Variants in WDR3 observed in about 807,000 individuals in gnomAD.
WDR3 encodes WD repeat domain 3.
In WDR3, 81 loss-of-function variants were observed where a neutral mutation model predicts 123.7. The observed-to-expected ratio is 0.65, with a 90% CI of 0.55 to 0.79. The LOEUF is 0.79. Among genes scored for constraint, WDR3 ranks in the 30% least tolerant of loss-of-function variants. The probability of loss-of-function intolerance (pLI) is 0.00; values close to 1 mark genes in which losing one functional copy is unlikely to be tolerated. For missense variants in WDR3, 1,027 were observed against 1,123.2 expected (o/e 0.91, Z 1.22); for synonymous variants, 390 against 388.8 (o/e 1.00, Z -0.04).
rs1571016540 is a variant in WDR3 at position 117,945,404 on chromosome 1, T to C, written c.1329-682T>C. Reference sequence around the variant, plus strand: ...TGTTGTGCTCCCTGTTCTTTCTGCCTGAATCCATCTTCCCCATTTATCCAT... The same window carrying C: ...TGTTGTGCTCCCTGTTCTTTCTGCCCGAATCCATCTTCCCCATTTATCCAT... On this transcript the variant is annotated intron_variant, in intron 11 of 26. Coordinates refer to ENST00000349139, the MANE Select transcript of WDR3 (RefSeq NM_006784.3). 2.0e-5 allele frequency among the ~76,000 whole-genome samples: 3 copies of C among 152,316 alleles called. 1 individual carries two copies. The South Asian group carries it at 6.2e-4, about 32-fold the overall frequency.
In WDR3 at chr1:117,961,089, C is replaced by G. The variant is rs979769079; in HGVS notation, c.*1642C>G. Reference sequence around the variant, plus strand: ...ACAAGGTCAGGAGTTCCAGACCAGCCTGGCCAACATGGTGAAACCTCATCT... The same window carrying G: ...ACAAGGTCAGGAGTTCCAGACCAGCGTGGCCAACATGGTGAAACCTCATCT... On this transcript the variant is annotated 3_prime_UTR_variant, in exon 27 of 27. Transcript: ENST00000349139. The G allele has an allele frequency of 6.6e-6, 1 of 152,196 alleles. No individual in the cohort carries two copies. Among genetic ancestry groups the G allele is most frequent in the Non-Finnish European group, 1.5e-5 (1 of 68,060 alleles). The allele number at this position is 152,196 out of a possible 1,614,324, so 9.4% of individuals were successfully genotyped here.
At chr1:117,940,702 T>C in intron 6 of WDR3, 125 bp from the exon 7 acceptor site, 1 of 853,490 alleles carries the variant, frequency 1.2e-6, no homozygotes, top group Non-Finnish European at 1.9e-6. Flanking sequence ...CACTCCAGCC[T>C]GGGCGACAGA....
chr1:117,951,751 G>A (rs1651620637), intron 16 of WDR3, among the ~76,000 whole-genome samples: 1 of 152,100 alleles, frequency 6.6e-6, no homozygotes, highest in African/African-American at 2.4e-5. Flanking sequence ...CCCTGTGACA[G>A]TACGAAAGTA....
At chr1:117,945,147 A>G (rs1417880028) in intron 11 of WDR3, among the ~76,000 whole-genome samples, 1 of 152,134 alleles carries the variant, frequency 6.6e-6, no homozygotes, top group East Asian at 1.9e-4. Flanking sequence ...GTTATTGTAA[A>G]GCCCCCTGAC....
At chr1:117,945,244 ACTTCCAGTAGTTCCAT>A (rs1427642300) in intron 11 of WDR3, among the ~76,000 whole-genome samples, 1 of 152,156 alleles carries the variant, frequency 6.6e-6, no homozygotes, top group Non-Finnish European at 1.5e-5. Context: ...AAGTTAGATC[ACTTCCAGTAGTTCCAT>A]CTCACTCTAC....
chr1:117,958,781 TTTG>T, intron 25 of WDR3, 126 bp from the exon 26 acceptor site: 2 of 603,160 alleles, frequency 3.3e-6, no homozygotes, highest in Non-Finnish European at 2.7e-6. Context: ...TTTTTTTTTT[TTTG>T]CTCGAAACAT....
At chr1:117,957,019 A>T in intron 24 of WDR3, 49 bp from the exon 25 acceptor site, 1 of 1,486,246 alleles carries the variant, frequency 6.7e-7, no homozygotes, top group Non-Finnish European at 9.0e-7. Flanking sequence ...TGACCATGTT[A>T]ACAACGTTAA....
chr1:117,940,578 ATTAGTC>A (rs1413090146), intron 6 of WDR3, among the ~76,000 whole-genome samples: 3 of 152,120 alleles, frequency 2.0e-5, no homozygotes, highest in Non-Finnish European at 4.4e-5. Context: ...AAATTTAAAA[ATTAGTC>A]AAGCACAGTG....
At position 117,934,521 on chromosome 1, in the gene WDR3, T is replaced by A; in HGVS notation, c.220T>A (p.Ser74Thr). 1 of 1,614,148 alleles carries A rather than the reference T, an allele frequency of 6.2e-7. No homozygotes were observed. The highest frequency in any genetic ancestry group is 8.5e-7 in the Non-Finnish European group (1 of 1,179,996). ...ACAAGAAGTTACTTGCTTATGCCCC[T>A]CCCCAGATGGGCTACACTTAGCTGT... Reference protein sequence around the residue: ...LKQEVTCLCPSPDGLHLAVGY... With the variant: ...LKQEVTCLCPTPDGLHLAVGY... Residue 74 changes from serine to threonine, a missense_variant, in exon 3 of 27, where the codon TCC becomes ACC. Transcript: ENST00000349139.
chr1:117,938,686 G>A, intron 5 of WDR3, 128 bp downstream of exon 5: 2 of 703,564 alleles, frequency 2.8e-6, no homozygotes, highest in South Asian at 2.1e-5. Flanking sequence ...CCATCTTGAG[G>A]GACAGTGAGG....
chr1:117,949,965 A>AT (rs1651547525), intron 14 of WDR3, 30 bp from the exon 15 acceptor site: 2 of 1,613,048 alleles, frequency 1.2e-6, no homozygotes, highest in African/African-American at 1.3e-5. Context: ...ATACTCATTT[A>AT]TTTTTTCTTG....
chr1:117,952,882 A>G (rs1651683971), intron 19 of WDR3, 64 bp from the exon 20 acceptor site: 2 of 1,579,332 alleles, frequency 1.3e-6, no homozygotes, highest in African/African-American at 2.7e-5. Context: ...TCGCTTCCTC[A>G]TTTCTCTTCA....
chr1:117,953,680 T>C, intron 21 of WDR3, 139 bp downstream of exon 21: 2 of 774,888 alleles, frequency 2.6e-6, no homozygotes, highest in Non-Finnish European at 4.1e-6. Flanking sequence ...TATAACCTGT[T>C]TCCTTCTCTT....
chr1:117,943,233 G>A (rs769237542), intron 10 of WDR3, among the ~76,000 whole-genome samples, 163 bp from the exon 11 acceptor site: 6 of 152,238 alleles, frequency 3.9e-5, no homozygotes, highest in Admixed American at 6.5e-5. Context: ...GATTACAGGC[G>A]TGAGCCACTG....
intron 2 of WDR3, 94 bp downstream of exon 2, chr1:117,933,584 G>GT (rs763997089): frequency 4.6e-6 from 7 of 1,528,604 alleles, no homozygotes; most frequent in South Asian, 2.3e-5. Context: ...TTTATCATGA[G>GT]TTTTTTTGTG....
Position 117,960,514 on chromosome 1 carries a change from T to C in WDR3, c.*1067T>C, listed in dbSNP as rs772253352. The C allele has an allele frequency of 6.6e-6, 1 of 152,286 alleles. No homozygotes were observed. Among genetic ancestry groups the C allele is most frequent in the Admixed American group, 6.5e-5 (1 of 15,286 alleles). The allele number at this position is 152,286 out of a possible 1,614,324, so 9.4% of individuals were successfully genotyped here. A position where few individuals can be genotyped will look rare whatever the true frequency, so the allele number is the denominator to read the frequency against. ...CGCAGACCTCAATCTGTGGTACTTA[T>C]CAAGCATCAGCTTTTTCTTGTAATG... On this transcript the variant is annotated 3_prime_UTR_variant, in exon 27 of 27. Transcript: ENST00000349139.
At chr1:117,933,664 C>G in intron 2 of WDR3, 174 bp downstream of exon 2, 1 of 766,504 alleles carries the variant, frequency 1.3e-6, no homozygotes. Context: ...CCTTTGTGTT[C>G]TTCGCCACTG....
In WDR3 at chr1:117,954,053, C is replaced by CA; in HGVS notation, c.2320dup (p.Met774AsnfsTer9). 6.2e-7 allele frequency: 1 copy of CA among 1,610,690 alleles called. No homozygotes were observed. Among genetic ancestry groups the CA allele is most frequent in the Non-Finnish European group, 8.5e-7 (1 of 1,178,046 alleles). ...ATTGAGTTGTACCGAGAAGAAACTG[C>CA]AAAAATGAAGGAACACAAAGCCATT... On this transcript the variant is annotated frameshift_variant, in exon 22 of 27. Transcript: ENST00000349139. LOFTEE classifies it high-confidence loss of function.
intron 11 of WDR3, among the ~76,000 whole-genome samples, chr1:117,944,844 G>C (rs1252981527): frequency 6.6e-6 from 1 of 152,120 alleles, no homozygotes; most frequent in Non-Finnish European, 1.5e-5. Flanking sequence ...TGGGATTACA[G>C]GCGTGTGCCA....
Sources: gnomAD v4.1 joint callset for allele counts (sites outside exome capture counted in the v4.1 genomes callset) on GRCh38, gnomAD v4.1.1 for gene constraint, MANE v1.5 for transcripts, NCBI Gene and HGNC (gene_info 2026-07-23, HGNC 2026-07-21) for gene names.